The following PIK3R5 variants were observed in gnomAD, a reference collection of about 807,000 sequenced individuals.
PIK3R5 encodes the protein phosphoinositide 3-kinase regulatory subunit 5.
PIK3R5 carries 32 observed loss-of-function variants against 94.9 expected under a neutral mutation model. The ratio of observed to expected loss-of-function variants is 0.34; its 90% CI spans 0.25 to 0.45. PIK3R5 has a LOEUF of 0.45. Among genes scored for constraint, PIK3R5 ranks in the 20% least tolerant of loss-of-function variants. The pLI is 1.00. For missense variants in PIK3R5, 853 were observed against 1,144.6 expected, an observed-to-expected ratio of 0.75 and a Z score of 3.68; for synonymous variants, 443 against 479.4, an observed-to-expected ratio of 0.92 and a Z score of 0.99.
chr17:8,937,268 G>A (rs970556771), intron 1 of PIK3R5, among the ~76,000 whole-genome samples: 4 of 152,110 alleles, frequency 2.6e-5, no homozygotes, highest in African/African-American at 9.7e-5. Context: ...GCTTTACGTA[G>A]GACTTCCAGT....
intron 1 of PIK3R5, among the ~76,000 whole-genome samples, chr17:8,947,530 C>G (rs1353142655): frequency 6.6e-6 from 1 of 151,914 alleles, no homozygotes; most frequent in Non-Finnish European, 1.5e-5. Flanking sequence ...ACAACAACAA[C>G]AACAAGAGGC....
At chr17:8,958,836 A>G (rs2091509182) in intron 1 of PIK3R5, among the ~76,000 whole-genome samples, 1 of 148,564 alleles carries the variant, frequency 6.7e-6, no homozygotes, top group African/African-American at 2.5e-5. Flanking sequence ...TCGGCTCACC[A>G]CAACCTCCGC....
At chr17:8,886,043 C>A (rs1247105964) in intron 14 of PIK3R5, among the ~76,000 whole-genome samples, 186 bp downstream of exon 14, 1 of 151,850 alleles carries the variant, frequency 6.6e-6, no homozygotes, top group East Asian at 1.9e-4. Flanking sequence ...CAGGGCCCCG[C>A]CTACCGGGTC....
chr17:8,950,880 T>C lies in PIK3R5; in HGVS notation c.-14+14716A>G, dbSNP rs1204077841. On this transcript the variant is annotated intron_variant, in intron 1 of 18. Transcript: ENST00000447110. ...GTTCTTTGAGAAATCTCCAAACTGCTTTCTATAGTGGTTGAACTAATTTAC... is the reference window on the plus strand; with the variant it reads ...GTTCTTTGAGAAATCTCCAAACTGCCTTCTATAGTGGTTGAACTAATTTAC... Among the ~76,000 whole-genome samples the C allele has an allele frequency of 3.3e-5, 5 of 152,352 alleles. No individual in the cohort carries two copies. The East Asian group carries it at 7.7e-4, about 24-fold the overall frequency.
intron 14 of PIK3R5, among the ~76,000 whole-genome samples, chr17:8,885,344 TG>T (rs1429348663): frequency 8.0e-6 from 1 of 124,476 alleles, no homozygotes; most frequent in Non-Finnish European, 1.7e-5. Flanking sequence ...CCCTGCCTCG[TG>T]GGTAACTCCA....
At chr17:8,926,704 CATGGGAATT>C (rs1385511753) in intron 1 of PIK3R5, among the ~76,000 whole-genome samples, 5 of 152,174 alleles carry the variant, frequency 3.3e-5, no homozygotes, top group African/African-American at 1.2e-4. Flanking sequence ...TCCCACAACA[CATGGGAATT>C]ATGGGAGTAC....
intron 1 of PIK3R5, among the ~76,000 whole-genome samples, chr17:8,930,968 C>A (rs2090976530): frequency 6.6e-6 from 1 of 152,142 alleles, no homozygotes; most frequent in Non-Finnish European, 1.5e-5. Flanking sequence ...GTATCAAGGT[C>A]AATATCCTGG....
rs1227052406 is a variant in PIK3R5, at chr17:8,911,713, G to C, written c.-13-206C>G. 5.6e-6 allele frequency: 3 copies of C among 536,750 alleles called. No individual in the cohort carries two copies. The African/African-American group carries it at 5.8e-5, about 10-fold the overall frequency. The allele number at this position is 536,750 out of a possible 1,614,324, so 33.2% of individuals were successfully genotyped here. A position where few individuals can be genotyped will look rare whatever the true frequency, so the allele number is the denominator to read the frequency against. ...AGGGCCACATCTGAGTGGCAGGACAGAGCACCCCTGCAGCAGAACGGGACA... is the reference window on the plus strand; with the variant it reads ...AGGGCCACATCTGAGTGGCAGGACACAGCACCCCTGCAGCAGAACGGGACA... On this transcript the variant is annotated intron_variant, in intron 1 of 18. Transcript: ENST00000447110. The surrounding 1 kb of genome is among the most constrained non-coding windows in gnomAD (Gnocchi z 5.3).
chr17:8,947,709 C>T (rs1395887826), intron 1 of PIK3R5, among the ~76,000 whole-genome samples: 1 of 152,008 alleles, frequency 6.6e-6, no homozygotes, highest in African/African-American at 2.4e-5. Context: ...TAAGGTGATA[C>T]GAAAGAGAGA....
At chr17:8,914,486 A>C (rs1047638268) in intron 1 of PIK3R5, among the ~76,000 whole-genome samples, 3 of 152,192 alleles carry the variant, frequency 2.0e-5, no homozygotes, top group Non-Finnish European at 4.4e-5. Context: ...GTCAGTCCAG[A>C]ACCAGCACAG....
intron 1 of PIK3R5, among the ~76,000 whole-genome samples, chr17:8,958,523 C>T (rs547008290): frequency 1.3e-5 from 2 of 152,254 alleles, no homozygotes; most frequent in African/African-American, 4.8e-5. Flanking sequence ...TTTTAAAAAT[C>T]CTTACAAAGG....
rs562547813 is a variant in PIK3R5, at chr17:8,909,445, G to A, written c.104-271C>T. Reference sequence around the variant, plus strand: ...GCTGGGATTACAGGCACGTGCCACCGCACCCAGCTAATTTTTGTATTTTAG... The same window carrying A: ...GCTGGGATTACAGGCACGTGCCACCACACCCAGCTAATTTTTGTATTTTAG... On this transcript the variant is annotated intron_variant, in intron 2 of 18. Coordinates refer to ENST00000447110, the MANE Select transcript of PIK3R5 (RefSeq NM_001142633.3). The surrounding 1 kb of genome is among the most constrained non-coding windows in gnomAD (Gnocchi z 4.3). Among the ~76,000 whole-genome samples the A allele has an allele frequency of 1.6e-4, 25 of 152,134 alleles. No individual in the cohort carries two copies. Among genetic ancestry groups the A allele is most frequent in the African/African-American group, 5.8e-4 (24 of 41,506 alleles).
At chr17:8,907,883 C>T (rs1017402809) in intron 3 of PIK3R5, among the ~76,000 whole-genome samples, 1 of 152,208 alleles carries the variant, frequency 6.6e-6, no homozygotes, top group Non-Finnish European at 1.5e-5. Flanking sequence ...AGGATTTCTC[C>T]CACCTGAGTC....
chr17:8,903,253 C>T (rs2090327755), intron 5 of PIK3R5, among the ~76,000 whole-genome samples: 1 of 151,894 alleles, frequency 6.6e-6, no homozygotes. Flanking sequence ...GCCACTTTGT[C>T]ATATAATATA....
intron 1 of PIK3R5, among the ~76,000 whole-genome samples, chr17:8,959,944 T>C (rs1597441159): frequency 6.6e-6 from 1 of 152,128 alleles, no homozygotes; most frequent in East Asian, 1.9e-4. Context: ...GATGCACAAA[T>C]GCAGAGGGCT....
Position 8,905,657 on chromosome 17 carries a change from A to G in PIK3R5, c.273+12T>C, listed in dbSNP as rs756797361. On this transcript the variant is annotated intron_variant, in intron 4 of 18. Transcript: ENST00000447110. The stretch of plus-strand genomic sequence containing the variant: ...TCCCTCACCTCCAGCATCCTGGCCC[A>G]CGTGGACTTACACAAAGAACAGTGG... 1 of 1,587,360 alleles carries G rather than the reference A, an allele frequency of 6.3e-7. No homozygotes were observed. The highest frequency in any genetic ancestry group is 8.6e-7 in the Non-Finnish European group (1 of 1,166,442).
At chr17:8,928,771 C>A (rs777844373) in intron 1 of PIK3R5, among the ~76,000 whole-genome samples, 18 of 151,824 alleles carry the variant, frequency 1.2e-4, no homozygotes, top group Non-Finnish European at 2.4e-4. Flanking sequence ...ATTCTCTAAA[C>A]AGAAAAAAGG....
At chr17:8,915,735 C>G (rs1224518004) in intron 1 of PIK3R5, 1 of 152,336 alleles carries the variant, frequency 6.6e-6, no homozygotes, top group Non-Finnish European at 1.5e-5. Flanking sequence ...AGTCATCCTG[C>G]TCACTCATTA....
At chr17:8,950,997 T>C (rs971774640) in intron 1 of PIK3R5, among the ~76,000 whole-genome samples, 1 of 152,220 alleles carries the variant, frequency 6.6e-6, no homozygotes, top group Non-Finnish European at 1.5e-5. Flanking sequence ...CCATTCTGAC[T>C]GGTGCGAGAT....
Sources: gnomAD v4.1 joint callset for allele counts (sites outside exome capture counted in the v4.1 genomes callset) on GRCh38, gnomAD v4.1.1 for gene constraint, Gnocchi (gnomAD v3.1) non-coding constraint, MANE v1.5 for transcripts, NCBI Gene and HGNC (gene_info 2026-07-23, HGNC 2026-07-21) for gene names.